The following PDE10A variants were observed in gnomAD, a reference collection of about 807,000 sequenced individuals.
PDE10A encodes cAMP and cAMP-inhibited cGMP 3',5'-cyclic phosphodiesterase 10A.
A neutral mutation model predicts 97.7 loss-of-function variants in PDE10A; 39 were observed. The ratio of observed to expected loss-of-function variants is 0.40; its 90% CI spans 0.31 to 0.52. The LOEUF (loss-of-function observed/expected upper bound fraction) is 0.52. PDE10A is among the 20% of genes least tolerant of loss of function. PDE10A has a pLI of 0.56. For missense variants in PDE10A, 731 were observed against 1,047.8 expected, an observed-to-expected ratio of 0.70 and a Z score of 4.17; for synonymous variants, 371 against 376.8, an observed-to-expected ratio of 0.98 and a Z score of 0.18.
At chr6:165,445,790 A>C (rs2128246552) in intron 5 of PDE10A, among the ~76,000 whole-genome samples, 1 of 152,314 alleles carries the variant, frequency 6.6e-6, no homozygotes, top group Middle Eastern at 3.4e-3. Context: ...GACTAGCAGA[A>C]ACAAATGCAT....
chr6:165,344,562 G>A (rs1409680490), intron 18 of PDE10A, among the ~76,000 whole-genome samples: 1 of 152,156 alleles, frequency 6.6e-6, no homozygotes, highest in Non-Finnish European at 1.5e-5. Flanking sequence ...TCCCGAGCCT[G>A]TCTTGACCCA....
Position 165,966,185 on chromosome 6 carries a change from T to G in PDE10A, c.-615+21344A>C, listed in dbSNP as rs987356015. Among the ~76,000 whole-genome samples the G allele has an allele frequency of 5.3e-5, 8 of 152,134 alleles. No homozygotes were observed. The South Asian group carries it at 1.5e-3, about 28-fold the overall frequency. The stretch of plus-strand genomic sequence containing the variant: ...AGAGTGGGGATGTAGAGATGAAATG[T>G]CTGCAGAAAGAGTGGAAAAGTGGCC... On this transcript the variant is annotated intron_variant, in intron 1 of 19. Coordinates refer to the PDE10A transcript ENST00000366882.
chr6:165,340,855 T>C (rs1360654875), intron 19 of PDE10A, among the ~76,000 whole-genome samples: 1 of 151,932 alleles, frequency 6.6e-6, no homozygotes, highest in African/African-American at 2.4e-5. Flanking sequence ...CACACGGAGG[T>C]CATGATTTTG....
chr6:165,386,259 T>G (rs1010673710), intron 17 of PDE10A, among the ~76,000 whole-genome samples: 1 of 152,142 alleles, frequency 6.6e-6, no homozygotes, highest in African/African-American at 2.4e-5. Flanking sequence ...AGCTTCACCA[T>G]CCCCACCTGC....
chr6:165,369,532 A>C (rs1365936737), intron 18 of PDE10A, among the ~76,000 whole-genome samples: 1 of 146,090 alleles, frequency 6.8e-6, no homozygotes, highest in Non-Finnish European at 1.5e-5. Context: ...TAGAGAAAAA[A>C]GAATAAAAAG....
At chr6:165,365,543 A>T (rs1217961745) in intron 18 of PDE10A, among the ~76,000 whole-genome samples, 1 of 152,062 alleles carries the variant, frequency 6.6e-6, no homozygotes, top group Non-Finnish European at 1.5e-5. Context: ...AAATTATCTC[A>T]ACAAATAATG....
intron 13 of PDE10A, 65 bp downstream of exon 13, chr6:165,413,436 T>C (rs1788056759): frequency 1.6e-6 from 2 of 1,214,336 alleles, no homozygotes; most frequent in Non-Finnish European, 2.3e-6. Flanking sequence ...CTTAAGCTGC[T>C]TTATGAAAAA....
intron 1 of PDE10A, among the ~76,000 whole-genome samples, chr6:165,817,357 G>A (rs535997686): frequency 2.0e-5 from 3 of 152,280 alleles, no homozygotes; most frequent in South Asian, 2.1e-4. Flanking sequence ...GCCCTGGCTT[G>A]CAGCAAGGGG....
At chr6:165,716,308 G>A (rs571269223) in intron 1 of PDE10A, among the ~76,000 whole-genome samples, 3 of 152,174 alleles carry the variant, frequency 2.0e-5, no homozygotes, top group Admixed American at 6.5e-5. Context: ...TCTCTAACTC[G>A]CCCATGCATA....
intron 15 of PDE10A, among the ~76,000 whole-genome samples, chr6:165,393,141 A>G (rs982681400): frequency 6.6e-6 from 1 of 152,174 alleles, no homozygotes. Flanking sequence ...ACAGTGCTCA[A>G]AAGACAACAA....
At chr6:165,741,467 A>G (rs1266242607) in intron 1 of PDE10A, among the ~76,000 whole-genome samples, 1 of 152,230 alleles carries the variant, frequency 6.6e-6, no homozygotes, top group Non-Finnish European at 1.5e-5. Flanking sequence ...AAATGTTGAC[A>G]AAGATCTGGA....
At chr6:165,558,941 T>TA (rs1784392352) in intron 1 of PDE10A, among the ~76,000 whole-genome samples, 1 of 145,112 alleles carries the variant, frequency 6.9e-6, no homozygotes, top group African/African-American at 2.8e-5. Flanking sequence ...CCCTAAAACT[T>TA]AAAGTATAAT....
At chr6:165,336,477 C>T (rs749548721) in intron 20 of PDE10A, among the ~76,000 whole-genome samples, 7 of 152,282 alleles carry the variant, frequency 4.6e-5, no homozygotes, top group South Asian at 2.1e-4. Flanking sequence ...TGGCCGGGCG[C>T]GGTGGCTCAC....
intron 1 of PDE10A, among the ~76,000 whole-genome samples, chr6:165,874,080 G>T (rs1442232824): frequency 2.0e-5 from 3 of 152,162 alleles, no homozygotes; most frequent in African/African-American, 7.2e-5. Context: ...GTATTGTAAG[G>T]GCAAAGCAGT....
intron 1 of PDE10A, among the ~76,000 whole-genome samples, chr6:165,585,725 T>G (rs927981256): frequency 6.6e-6 from 1 of 152,172 alleles, no homozygotes; most frequent in African/African-American, 2.4e-5. Context: ...TTCTGTTGTT[T>G]TAAGCCACAA....
At chr6:165,951,441 G>A (rs774869571) in intron 1 of PDE10A, among the ~76,000 whole-genome samples, 3 of 152,024 alleles carry the variant, frequency 2.0e-5, no homozygotes, top group Non-Finnish European at 4.4e-5. Flanking sequence ...TCCTTTCCGT[G>A]TCCAGCATCC....
At chr6:165,402,259 G>A (rs943758619) in intron 13 of PDE10A, among the ~76,000 whole-genome samples, 6 of 151,470 alleles carry the variant, frequency 4.0e-5, no homozygotes, top group Non-Finnish European at 7.4e-5. Context: ...TTGAAAATAC[G>A]TAAAAATTTA....
At chr6:165,573,719 A>G (rs1785164333) in intron 1 of PDE10A, among the ~76,000 whole-genome samples, 1 of 152,232 alleles carries the variant, frequency 6.6e-6, no homozygotes, top group Non-Finnish European at 1.5e-5. Context: ...AAATAATACC[A>G]AACCATTTAA....
At chr6:165,980,012 G>T (rs1280363053) in intron 1 of PDE10A, among the ~76,000 whole-genome samples, 2 of 152,174 alleles carry the variant, frequency 1.3e-5, no homozygotes, top group Non-Finnish European at 2.9e-5. Flanking sequence ...TTACTGAGAT[G>T]GATGTAATGC....
Sources: gnomAD v4.1 joint callset for allele counts (sites outside exome capture counted in the v4.1 genomes callset) on GRCh38, gnomAD v4.1.1 for gene constraint, MANE v1.5 for transcripts, NCBI Gene and HGNC (gene_info 2026-07-23, HGNC 2026-07-21) for gene names.